The following MAGI1 variants were observed in gnomAD, a reference collection of about 807,000 sequenced individuals.
The protein encoded by MAGI1 is membrane associated guanylate kinase, WW and PDZ domain containing 1, also known as membrane-associated guanylate kinase, WW and PDZ domain-containing protein 1.
MAGI1 carries 58 observed loss-of-function variants against 139.9 expected under a neutral mutation model. The ratio of observed to expected loss-of-function variants is 0.41; its 90% CI spans 0.34 to 0.52. The LOEUF (loss-of-function observed/expected upper bound fraction) is 0.52. MAGI1 is among the 20% of genes least tolerant of loss of function. The pLI, the probability that MAGI1 is intolerant of heterozygous loss-of-function variation, is 0.12. For missense variants in MAGI1, 1,874 were observed against 1,901.6 expected, an observed-to-expected ratio of 0.99 and a Z score of 0.27; for synonymous variants, 812 against 737.9, an observed-to-expected ratio of 1.10 and a Z score of -1.63.
chr3:65,700,778 C>T (rs528994880), intron 1 of MAGI1, among the ~76,000 whole-genome samples: 2 of 152,270 alleles, frequency 1.3e-5, no homozygotes, highest in East Asian at 3.9e-4. Context: ...AGCCTCACAT[C>T]CAAAAATTTC....
At chr3:65,933,698 T>TA (rs2062912167) in intron 1 of MAGI1, among the ~76,000 whole-genome samples, 1 of 152,190 alleles carries the variant, frequency 6.6e-6, no homozygotes, top group South Asian at 2.1e-4. Flanking sequence ...TTAGGATAGA[T>TA]ACTCCTTGAA....
chr3:65,638,914 A>AT (rs922364008), intron 1 of MAGI1, among the ~76,000 whole-genome samples: 11 of 151,758 alleles, frequency 7.2e-5, no homozygotes, highest in African/African-American at 1.7e-4. Flanking sequence ...GCCGTGGCTT[A>AT]TTTTTTTGAC....
chr3:65,895,248 C>T (rs768522573), intron 1 of MAGI1, among the ~76,000 whole-genome samples: 2 of 152,168 alleles, frequency 1.3e-5, no homozygotes, highest in Non-Finnish European at 2.9e-5. Flanking sequence ...AGCACTTGTT[C>T]CCTAGACGGG....
intron 1 of MAGI1, among the ~76,000 whole-genome samples, chr3:66,018,113 TG>T (rs200952234): frequency 0.054 from 3,108 of 57,490 alleles, 251 homozygotes; most frequent in African/African-American, 0.13. Context: ...GACACTTTGG[TG>T]GGGGGGGGGG....
intron 1 of MAGI1, among the ~76,000 whole-genome samples, chr3:65,932,782 G>T (rs1209036813): frequency 6.6e-6 from 1 of 151,104 alleles, no homozygotes. Flanking sequence ...TCCTTCATGA[G>T]GCCCTCTCCA....
At chr3:65,755,240 G>A (rs975560846) in intron 1 of MAGI1, among the ~76,000 whole-genome samples, 2 of 152,018 alleles carry the variant, frequency 1.3e-5, no homozygotes, top group Non-Finnish European at 2.9e-5. Flanking sequence ...GAGCCACCGC[G>A]CTCGGCCACA....
intron 2 of MAGI1, among the ~76,000 whole-genome samples, chr3:65,585,120 A>G (rs1489380826): frequency 6.6e-6 from 1 of 152,250 alleles, no homozygotes; most frequent in African/African-American, 2.4e-5. Flanking sequence ...AGATGAGGTA[A>G]CTGAGCCTTA....
At chr3:65,906,443 G>C (rs2061436535) in intron 1 of MAGI1, among the ~76,000 whole-genome samples, 1 of 152,174 alleles carries the variant, frequency 6.6e-6, no homozygotes, top group Admixed American at 6.5e-5. Flanking sequence ...CAATGGGTGG[G>C]CTTCTTTTCC....
intron 1 of MAGI1, among the ~76,000 whole-genome samples, chr3:65,833,395 AG>A (rs1490905115): frequency 3.3e-5 from 5 of 152,258 alleles, no homozygotes; most frequent in Admixed American, 3.3e-4. Flanking sequence ...CTGGGATTAC[AG>A]GTTTGAGCCA....
intron 1 of MAGI1, among the ~76,000 whole-genome samples, chr3:66,032,232 A>G (rs1025961229): frequency 4.0e-5 from 6 of 151,602 alleles, no homozygotes; most frequent in Admixed American, 1.3e-4. Flanking sequence ...CTTTTTTTTG[A>G]GATGAGTCTC....
chr3:65,470,772 G>A (rs1462189824), intron 4 of MAGI1, among the ~76,000 whole-genome samples: 1 of 152,136 alleles, frequency 6.6e-6, no homozygotes, highest in Non-Finnish European at 1.5e-5. Flanking sequence ...TGTCAAAGAA[G>A]AAACCAATTC....
intron 1 of MAGI1, among the ~76,000 whole-genome samples, chr3:65,714,641 G>T (rs1033706566): frequency 1.3e-5 from 2 of 151,826 alleles, no homozygotes; most frequent in African/African-American, 4.8e-5. Flanking sequence ...TGTAAGTAGG[G>T]TTAAAAAAAA....
rs1357223030 is a variant in MAGI1, at chr3:65,841,458, T to TG, written c.313+196537_313+196538insC. Among the ~76,000 whole-genome samples, 390 of 151,852 alleles carry TG rather than the reference T, an allele frequency of 2.6e-3. 5 individuals are homozygous for TG. Among genetic ancestry groups the TG allele is most frequent in the African/African-American group, 8.4e-3 (349 of 41,398 alleles). On this transcript the variant is annotated intron_variant, in intron 1 of 22. Transcript: ENST00000402939. ...TTGTTTTTGTTTTTGTTTTTGTTTT[T>TG]TTTTTGAGATGCAGGATGGAGTACA... is the stretch of plus-strand genomic sequence containing the variant.
intron 1 of MAGI1, among the ~76,000 whole-genome samples, chr3:65,648,290 C>CGTGTGTGTGTGTGTGTGT (rs35122002): frequency 1.6e-4 from 23 of 146,790 alleles, no homozygotes; most frequent in Admixed American, 1.2e-3. Flanking sequence ...TACTACAGGC[C>CGTGTGTGTGTGTGTGTGT]GTGTGTGTGT....
rs557634060 is a variant in MAGI1, at chr3:65,937,156, G to A, written c.313+100840C>T. ...GGGAAATAAACTAGCAATAGACAAG[G>A]AGGCCTATGTTCTGAAATCTGAATT... On this transcript the variant is annotated intron_variant, in intron 1 of 22. Coordinates refer to ENST00000402939, the MANE Select transcript of MAGI1 (RefSeq NM_001033057.2). Among the ~76,000 whole-genome samples the A allele has an allele frequency of 3.9e-5, 6 of 152,250 alleles. No homozygotes were observed. In the South Asian group the frequency reaches 1.2e-3, roughly 32 times the overall value.
chr3:65,660,527 G>A (rs2086134203), intron 1 of MAGI1, among the ~76,000 whole-genome samples: 1 of 152,160 alleles, frequency 6.6e-6, no homozygotes, highest in East Asian at 1.9e-4. Context: ...ACAAAGTGAT[G>A]GTCCTCTGAC....
chr3:65,648,931 A>T (rs2085428113), intron 1 of MAGI1, among the ~76,000 whole-genome samples: 2 of 152,214 alleles, frequency 1.3e-5, no homozygotes. Flanking sequence ...TTTCATGAAG[A>T]TACAAAAGCA....
intron 1 of MAGI1, among the ~76,000 whole-genome samples, chr3:65,833,515 A>G (rs1016332334): frequency 6.6e-6 from 1 of 152,182 alleles, no homozygotes; most frequent in Non-Finnish European, 1.5e-5. Flanking sequence ...CCAATTCAAA[A>G]CAGAAAGACT....
chr3:65,688,072 A>G, intron 1 of MAGI1: 1 of 765,394 alleles, frequency 1.3e-6, no homozygotes. Context: ...GATAACCCCA[A>G]CAGACAGCCT....
Sources: allele counts gnomAD v4.1 joint callset (sites outside exome capture counted in the v4.1 genomes callset), GRCh38; gene constraint gnomAD v4.1.1; transcripts MANE v1.5; gene names NCBI Gene and HGNC (gene_info 2026-07-23, HGNC 2026-07-21).